LPAR6: variants seen among roughly 807,000 people sequenced by gnomAD.
LPAR6 encodes the protein lysophosphatidic acid receptor 6.
Under a neutral mutation model 22.0 loss-of-function variants are expected in LPAR6, and 17 were observed. The observed-to-expected ratio is 0.77, with a 90% CI of 0.53 to 1.16. The LOEUF (loss-of-function observed/expected upper bound fraction) is 1.16, where lower values mean the gene tolerates loss of function less well. LPAR6 is among the 50% of genes most tolerant of loss of function. LPAR6 has a pLI of 0.00. For missense variants in LPAR6, 384 were observed against 406.9 expected (o/e 0.94, Z 0.48); for synonymous variants, 136 against 139.8 (o/e 0.97, Z 0.19).
At chr13:48,433,771 G>A (rs1949155106) in intron 1 of LPAR6, among the ~76,000 whole-genome samples, 1 of 151,254 alleles carries the variant, frequency 6.6e-6, no homozygotes, top group African/African-American at 2.4e-5. Context: ...AGACAAATAA[G>A]GACTTTGGCT....
rs139809011 is a variant in LPAR6 at position 48,398,865 on chromosome 13, G to T, written n.115-9053C>A. On this transcript the variant is annotated intron_variant and non_coding_transcript_variant, in intron 1 of 1. Transcript: ENST00000462781. ...GTATTTTTTATCCTGAGTAACAAGG[G>T]AAGTGTTTTGCCTAGGAGCTAATAA... Among the ~76,000 whole-genome samples, 923 of 152,162 alleles carry T rather than the reference G, an allele frequency of 6.1e-3. 12 individuals carry two copies. Among genetic ancestry groups the T allele is most frequent in the African/African-American group, 0.021 (882 of 41,544 alleles).
At chr13:48,441,514 G>A (rs1271003797) in intron 1 of LPAR6, among the ~76,000 whole-genome samples, 1 of 152,054 alleles carries the variant, frequency 6.6e-6, no homozygotes, top group African/African-American at 2.4e-5. Flanking sequence ...ATCTAGTTCT[G>A]TTTCAGAATT....
intron 2 of LPAR6, among the ~76,000 whole-genome samples, chr13:48,422,032 A>G (rs761566729): frequency 1.2e-4 from 19 of 152,344 alleles, no homozygotes; most frequent in Non-Finnish European, 2.6e-4. Context: ...TACCCAAAGG[A>G]TTATAAATAA....
Position 48,412,293 on chromosome 13 carries a change from C to T in LPAR6, c.131G>A (p.Cys44Tyr), listed in dbSNP as rs201386780. The change falls in exon 1 of 1, where the codon TGC becomes TAC. Residue 44 changes from cysteine (C) to tyrosine (Y), a missense_variant. Coordinates refer to ENST00000620633, the MANE Select transcript of LPAR6 (RefSeq NM_001162498.3). ...SNCVAIYIFICVLKVRNETTT... is the reference protein window; with the variant it reads ...SNCVAIYIFIYVLKVRNETTT... Reference sequence around the variant, plus strand: ...AGTTTCATTTCGGACTTTGAGGACGCAGATGAAAATGTATATGGCAACACA... The same window carrying T: ...AGTTTCATTTCGGACTTTGAGGACGTAGATGAAAATGTATATGGCAACACA... 3.8e-5 allele frequency: 62 copies of T among 1,613,726 alleles called. 2 individuals are homozygous for T. The East Asian group carries it at 8.5e-4, about 22-fold the overall frequency.
chr13:48,407,917 G>A (rs940975455), downstream of LPAR6, among the ~76,000 whole-genome samples: 1 of 152,086 alleles, frequency 6.6e-6, no homozygotes, highest in Admixed American at 6.6e-5. Context: ...TTTAGGTGCT[G>A]GAAGGTAGTG....
At chr13:48,398,949 A>G (rs531000314) in intron 1 of LPAR6, among the ~76,000 whole-genome samples, 14 of 152,222 alleles carry the variant, frequency 9.2e-5, no homozygotes, top group African/African-American at 3.4e-4. Context: ...GTGCACTGTG[A>G]CTATTGGTCT....
chr13:48,432,198 G>A (rs1949136918), intron 1 of LPAR6, among the ~76,000 whole-genome samples: 1 of 152,092 alleles, frequency 6.6e-6, no homozygotes, highest in Admixed American at 6.6e-5. Context: ...TCATGTGGTT[G>A]TCTCAGGGAA....
chr13:48,415,249 A>C (rs1344921695), upstream of LPAR6, among the ~76,000 whole-genome samples: 2 of 151,916 alleles, frequency 1.3e-5, no homozygotes, highest in Middle Eastern at 3.2e-3. Context: ...CACTTAAGTC[A>C]TTCATCTATA....
chr13:48,436,936 T>G (rs1021928653), intron 1 of LPAR6, among the ~76,000 whole-genome samples: 1 of 152,200 alleles, frequency 6.6e-6, no homozygotes, highest in Non-Finnish European at 1.5e-5. Flanking sequence ...TATTGTTAAT[T>G]TTTCTACTAG....
chr13:48,411,848 T>A lies in LPAR6; in HGVS notation c.576A>T (p.Gly192=), dbSNP rs770380745. Residue 192 remains glycine, a synonymous_variant, in exon 1 of 1, where the codon GGA becomes GGT. Transcript: ENST00000620633. ...CATTTAAAATTAGAGGAATAAAAAA[T>A]CCCACTATTTCGATGAAAATTACAA... The part of the protein sequence containing the change: ...SRIVIFIEIV[G]FFIPLILNVT... 22 of 1,613,480 alleles carry A rather than the reference T, an allele frequency of 1.4e-5. No homozygotes were observed. Among genetic ancestry groups the A allele is most frequent in the Non-Finnish European group, 1.8e-5 (21 of 1,179,564 alleles).
intron 1 of LPAR6, among the ~76,000 whole-genome samples, chr13:48,436,782 T>G (rs1019503327): frequency 6.6e-6 from 1 of 152,236 alleles, no homozygotes; most frequent in African/African-American, 2.4e-5. Flanking sequence ...ATTCTTCTAT[T>G]TTCTATTCTA....
intron 2 of LPAR6, among the ~76,000 whole-genome samples, chr13:48,419,244 G>C (rs765915024): frequency 6.6e-6 from 1 of 152,154 alleles, no homozygotes; most frequent in Non-Finnish European, 1.5e-5. Context: ...ACTCAAACCT[G>C]CACAACTGCA....
chr13:48,395,663 G>A (rs1203175463), intron 1 of LPAR6, among the ~76,000 whole-genome samples: 6 of 152,128 alleles, frequency 3.9e-5, no homozygotes, highest in Middle Eastern at 3.4e-3. Context: ...GAAATAAAGC[G>A]TGATGACAAG....
At chr13:48,441,312 T>G (rs1439232136) in intron 1 of LPAR6, among the ~76,000 whole-genome samples, 1 of 152,224 alleles carries the variant, frequency 6.6e-6, no homozygotes, top group Non-Finnish European at 1.5e-5. Flanking sequence ...AACTAAATTG[T>G]GCCTGAAGAC....
chr13:48,437,441 C>A (rs1424717121), intron 1 of LPAR6, among the ~76,000 whole-genome samples: 3 of 152,218 alleles, frequency 2.0e-5, no homozygotes, highest in Non-Finnish European at 4.4e-5. Flanking sequence ...TTATCTCACA[C>A]AAATTCTGAA....
upstream of LPAR6, among the ~76,000 whole-genome samples, chr13:48,430,764 AC>A (rs1205994061): frequency 1.6e-3 from 53 of 32,414 alleles, no homozygotes; most frequent in African/African-American, 2.1e-3. Flanking sequence ...AAACAAACAA[AC>A]AAAAAAAAAA....
chr13:48,421,978 A>C (rs1949012743), intron 2 of LPAR6, among the ~76,000 whole-genome samples: 1 of 152,204 alleles, frequency 6.6e-6, no homozygotes, highest in African/African-American at 2.4e-5. Flanking sequence ...AAGGATCTAG[A>C]ACCAGAAATA....
At chr13:48,430,670 G>A (rs1286963798), upstream of LPAR6, among the ~76,000 whole-genome samples, 5 of 152,162 alleles carry the variant, frequency 3.3e-5, no homozygotes, top group African/African-American at 1.2e-4. Flanking sequence ...AACCCAGGGG[G>A]CGGAGGTTGC....
intron 1 of LPAR6, among the ~76,000 whole-genome samples, chr13:48,442,565 G>T (rs567419661): frequency 6.6e-6 from 1 of 152,052 alleles, no homozygotes; most frequent in Non-Finnish European, 1.5e-5. Context: ...CTTTAACAAG[G>T]TTTTTTTCCT....
Sources: gnomAD v4.1 joint callset for allele counts (sites outside exome capture counted in the v4.1 genomes callset) on GRCh38, gnomAD v4.1.1 for gene constraint, MANE v1.5 for transcripts, NCBI Gene and HGNC (gene_info 2026-07-23, HGNC 2026-07-21) for gene names.